The following CISD1 variants were observed in gnomAD, a reference collection of about 807,000 sequenced individuals.
CISD1 encodes CDGSH iron-sulfur domain-containing protein 1.
In CISD1, 8 loss-of-function variants were observed where a neutral mutation model predicts 12.0. That is an observed-to-expected ratio of 0.67 (90% CI 0.39 to 1.20). The LOEUF (loss-of-function observed/expected upper bound fraction) is 1.20, where lower values mean the gene tolerates loss of function less well. CISD1 is among the 50% of genes most tolerant of loss of function. The pLI, the probability that CISD1 is intolerant of heterozygous loss-of-function variation, is 0.01. For synonymous variants in CISD1, 38 were observed against 42.2 expected, an observed-to-expected ratio of 0.90 and a Z score of 0.39; for missense variants, 107 against 132.7, an observed-to-expected ratio of 0.81 and a Z score of 0.95.
At chr10:58,283,081 G>A (rs1839390357) in intron 2 of CISD1, 1 of 135,838 alleles carries the variant, frequency 7.4e-6, no homozygotes, top group African/African-American at 3.3e-5. Flanking sequence ...TTCATTTACA[G>A]GGTAAGATTT....
At chr10:58,278,988 G>A (rs1839345568) in intron 2 of CISD1, among the ~76,000 whole-genome samples, 1 of 152,122 alleles carries the variant, frequency 6.6e-6, no homozygotes, top group Non-Finnish European at 1.5e-5. Flanking sequence ...TGAATTAATG[G>A]TATGTTATGT....
intron 2 of CISD1, 105 bp downstream of exon 2, chr10:58,277,427 T>C: frequency 1.2e-6 from 1 of 816,570 alleles, no homozygotes; most frequent in Non-Finnish European, 1.8e-6. Flanking sequence ...TATCCCTTTT[T>C]TGTTGTTGTT....
In CISD1 at chr10:58,269,214, G is replaced by A; in HGVS notation, c.-60G>A. On this transcript the variant is annotated 5_prime_UTR_variant, in exon 1 of 3. Transcript: ENST00000333926. ...GCCGCTGGCACCTTTACTCTCGCCGGCCGCGCGAACCCGTTTGAGCTCGGT... is the reference window on the plus strand; with the variant it reads ...GCCGCTGGCACCTTTACTCTCGCCGACCGCGCGAACCCGTTTGAGCTCGGT... 1 of 1,574,988 alleles carries A rather than the reference G, an allele frequency of 6.3e-7. No individual in the cohort carries two copies. Among genetic ancestry groups the A allele is most frequent in the Non-Finnish European group, 8.7e-7 (1 of 1,155,458 alleles).
In CISD1 at chr10:58,287,672, A is replaced by G. The variant is rs371225181; in HGVS notation, c.*22A>G. The G allele has an allele frequency of 4.9e-5, 74 of 1,520,142 alleles. No individual in the cohort carries two copies. The African/African-American group carries it at 8.5e-4, about 17-fold the overall frequency. 94.2% of individuals were successfully genotyped at this position (1,520,142 alleles called of 1,614,324 possible). A position where few individuals can be genotyped will look rare whatever the true frequency, so the allele number is the denominator to read the frequency against. ...TTAAATGGACACTTTTGATGCTGCA[A>G]ATCAGCTTGTCGTGAAGTTACCTGA... On this transcript the variant is annotated 3_prime_UTR_variant, in exon 3 of 3. Transcript: ENST00000333926.
At chr10:58,274,816 T>TA (rs796662258) in intron 1 of CISD1, among the ~76,000 whole-genome samples, 14 of 148,112 alleles carry the variant, frequency 9.5e-5, no homozygotes, top group African/African-American at 3.0e-4. Context: ...AGGTAAAGCT[T>TA]AAAAAAAAAA....
chr10:58,269,442 G>C, intron 1 of CISD1, 138 bp downstream of exon 1: 1 of 766,350 alleles, frequency 1.3e-6, no homozygotes, highest in Non-Finnish European at 2.1e-6. Flanking sequence ...CAAGCGCTCG[G>C]CCCGGCTGCG....
intron 2 of CISD1, among the ~76,000 whole-genome samples, chr10:58,278,519 A>G (rs1250984615): frequency 2.2e-4 from 34 of 152,202 alleles, no homozygotes; most frequent in Non-Finnish European, 5.9e-5. Context: ...CGTTCCAGCG[A>G]CAGAATGAGA....
At chr10:58,270,078 A>G (rs1839227005) in intron 1 of CISD1, among the ~76,000 whole-genome samples, 2 of 152,242 alleles carry the variant, frequency 1.3e-5, no homozygotes, top group Non-Finnish European at 1.5e-5. Flanking sequence ...CAGACACACA[A>G]TATATGTGAT....
At chr10:58,271,640 AG>A (rs1169441476) in intron 1 of CISD1, among the ~76,000 whole-genome samples, 2 of 152,228 alleles carry the variant, frequency 1.3e-5, no homozygotes, top group African/African-American at 4.8e-5. Context: ...GTAATTATAA[AG>A]GGTTTAGAAT....
chr10:58,274,466 T>TA (rs1554826528), intron 1 of CISD1, among the ~76,000 whole-genome samples: 5 of 146,530 alleles, frequency 3.4e-5, no homozygotes, highest in Non-Finnish European at 6.0e-5. Flanking sequence ...TTTTTTTTTT[T>TA]ACTTCTGGGA....
At chr10:58,271,581 C>A (rs920690916) in intron 1 of CISD1, among the ~76,000 whole-genome samples, 2 of 152,086 alleles carry the variant, frequency 1.3e-5, no homozygotes, top group African/African-American at 2.4e-5. Context: ...CAATTTAGAT[C>A]TTTTAATTGG....
At chr10:58,272,913 CATCGCAAA>C (rs2132276881) in intron 1 of CISD1, among the ~76,000 whole-genome samples, 1 of 151,748 alleles carries the variant, frequency 6.6e-6, no homozygotes, top group African/African-American at 2.4e-5. Flanking sequence ...TGCGAGACTC[CATCGCAAA>C]AAAAAGAAAA....
At chr10:58,274,575 T>A (rs1839291116) in intron 1 of CISD1, among the ~76,000 whole-genome samples, 1 of 141,060 alleles carries the variant, frequency 7.1e-6, no homozygotes. Context: ...TTAGAGCAAA[T>A]ACAAAGCTAT....
At chr10:58,286,821 G>A (rs1839434605) in intron 2 of CISD1, among the ~76,000 whole-genome samples, 1 of 152,130 alleles carries the variant, frequency 6.6e-6, no homozygotes, top group Admixed American at 6.5e-5. Flanking sequence ...GTTAAAAAGG[G>A]AGATATTGAC....
intron 1 of CISD1, among the ~76,000 whole-genome samples, chr10:58,272,665 T>A (rs1839262320): frequency 6.6e-6 from 1 of 152,190 alleles, no homozygotes; most frequent in Non-Finnish European, 1.5e-5. Flanking sequence ...ACGCCTGTAA[T>A]CTCAGCACTT....
chr10:58,282,550 T>C lies in CISD1; in HGVS notation c.238-5011T>C, dbSNP rs189230733. 1.8e-4 allele frequency among the ~76,000 whole-genome samples: 27 copies of C among 152,342 alleles called. No individual in the cohort carries two copies. In the East Asian group the frequency reaches 5.2e-3, roughly 29 times the overall value. On this transcript the variant is annotated intron_variant, in intron 2 of 2. Coordinates refer to ENST00000333926, the MANE Select transcript of CISD1 (RefSeq NM_018464.5). ...TACATGCTCAGTACCCATACAATTA[T>C]TTTAGCGAGTATTTTCTATCAGCAG...
intron 2 of CISD1, among the ~76,000 whole-genome samples, chr10:58,278,199 A>C (rs1416329465): frequency 6.6e-6 from 1 of 152,188 alleles, no homozygotes; most frequent in Non-Finnish European, 1.5e-5. Context: ...GTGTGTTGTG[A>C]GAAATATGGT....
chr10:58,277,250 GA>G lies in CISD1; in HGVS notation c.166del (p.Ile56Ter). 6.2e-7 allele frequency: 1 copy of G among 1,612,826 alleles called. No homozygotes were observed. Among genetic ancestry groups the G allele is most frequent in the Non-Finnish European group, 8.5e-7 (1 of 1,179,460 alleles). On this transcript the variant is annotated frameshift_variant, in exon 2 of 3. Transcript: ENST00000333926. LOFTEE classifies it high-confidence loss of function. ...NLHIQKDNPK[I>X]VHAFDMEDLG... ...TTCACATCCAGAAAGACAACCCCAAGATAGTACATGCTTTTGACATGGAGGA... is the reference window on the plus strand; with the variant it reads ...TTCACATCCAGAAAGACAACCCCAAGTAGTACATGCTTTTGACATGGAGGA...
chr10:58,280,566 C>T (rs529042694), intron 2 of CISD1, among the ~76,000 whole-genome samples: 12 of 152,140 alleles, frequency 7.9e-5, no homozygotes, highest in Admixed American at 1.3e-4. Flanking sequence ...AAATGCACAG[C>T]AGACAACACG....
Sources: gnomAD v4.1 joint callset for allele counts (sites outside exome capture counted in the v4.1 genomes callset) on GRCh38, gnomAD v4.1.1 for gene constraint, MANE v1.5 for transcripts, NCBI Gene and HGNC (gene_info 2026-07-23, HGNC 2026-07-21) for gene names.